PRKCE: variants seen among roughly 807,000 people sequenced by gnomAD.
PRKCE encodes protein kinase C epsilon type.
Under a neutral mutation model 85.4 loss-of-function variants are expected in PRKCE, and 16 were observed. The observed-to-expected ratio is 0.19, with a 90% confidence interval of 0.13 to 0.28. The LOEUF (loss-of-function observed/expected upper bound fraction) is 0.28, where lower values mean the gene tolerates loss of function less well. Ranked by LOEUF, PRKCE falls within the 10% of genes least tolerant of loss-of-function variation. The pLI is 1.00. For missense variants in PRKCE, 573 were observed against 975.2 expected (o/e 0.59, Z 5.49); for synonymous variants, 388 against 371.5 (o/e 1.04, Z -0.51).
chr2:45,998,258 AT>A (rs1558938959), intron 6 of PRKCE, among the ~76,000 whole-genome samples: 4 of 152,292 alleles, frequency 2.6e-5, no homozygotes, highest in African/African-American at 9.6e-5. Context: ...AGATCTGTTT[AT>A]TTTTGAATAA....
intron 11 of PRKCE, among the ~76,000 whole-genome samples, chr2:46,100,944 C>G (rs1444022723): frequency 1.3e-5 from 2 of 152,162 alleles, no homozygotes; most frequent in Non-Finnish European, 2.9e-5. Flanking sequence ...TCTCAGCTCA[C>G]TGCAACCTCC....
intron 10 of PRKCE, among the ~76,000 whole-genome samples, chr2:46,013,402 T>C (rs181820397): frequency 4.6e-5 from 7 of 152,288 alleles, no homozygotes; most frequent in African/African-American, 1.7e-4. Flanking sequence ...TGAATAGTTA[T>C]GTTCTAGATG....
intron 2 of PRKCE, among the ~76,000 whole-genome samples, chr2:45,904,313 A>G (rs2103754103): frequency 6.6e-6 from 1 of 152,316 alleles, no homozygotes; most frequent in African/African-American, 2.4e-5. Context: ...TCTTGAAACC[A>G]AAAGAACTCC....
chr2:46,100,895 A>G (rs890653985), intron 11 of PRKCE, among the ~76,000 whole-genome samples: 28 of 150,452 alleles, frequency 1.9e-4, no homozygotes, highest in African/African-American at 6.6e-4. Flanking sequence ...TCTTGATGGG[A>G]TCTCGCTCTG....
At chr2:45,967,416 C>T (rs1469641485) in intron 2 of PRKCE, among the ~76,000 whole-genome samples, 1 of 152,120 alleles carries the variant, frequency 6.6e-6, no homozygotes, top group East Asian at 1.9e-4. Context: ...GTCCTGGAGG[C>T]CTACCTACCA....
At chr2:45,842,578 A>G (rs1012307473) in intron 1 of PRKCE, among the ~76,000 whole-genome samples, 2 of 152,192 alleles carry the variant, frequency 1.3e-5, no homozygotes, top group Admixed American at 6.5e-5. Flanking sequence ...AAATGGGATA[A>G]CATAGGGCTT....
At chr2:45,871,894 G>T (rs1694118571) in intron 2 of PRKCE, among the ~76,000 whole-genome samples, 1 of 152,130 alleles carries the variant, frequency 6.6e-6, no homozygotes, top group Non-Finnish European at 1.5e-5. Context: ...GAGAAAGGAG[G>T]CAACCTGAGG....
At chr2:45,705,414 A>G (rs1253624100) in intron 1 of PRKCE, among the ~76,000 whole-genome samples, 1 of 152,222 alleles carries the variant, frequency 6.6e-6, no homozygotes, top group South Asian at 2.1e-4. Flanking sequence ...GTCAGAAAAC[A>G]TAGGAGTGAC....
rs1279789157 is a variant in PRKCE, at chr2:46,186,671, A to C, written c.*1790A>C. Reference sequence around the variant, plus strand: ...TTAAGCTATATTAAATCTCACATACAGTTCTTCTGTGCTCTATTATACCCT... The same window carrying C: ...TTAAGCTATATTAAATCTCACATACCGTTCTTCTGTGCTCTATTATACCCT... On this transcript the variant is annotated 3_prime_UTR_variant, in exon 15 of 15. Coordinates refer to ENST00000306156, the MANE Select transcript of PRKCE (RefSeq NM_005400.3). 1.3e-5 allele frequency: 2 copies of C among 152,604 alleles called. No homozygotes were observed. The highest frequency in any genetic ancestry group is 4.8e-5 in the African/African-American group (2 of 41,428). The allele number at this position is 152,604 out of a possible 1,614,324, so 9.5% of individuals were successfully genotyped here. A position where few individuals can be genotyped will look rare whatever the true frequency, so the allele number is the denominator to read the frequency against.
chr2:46,140,585 C>T (rs1675418121), intron 11 of PRKCE, among the ~76,000 whole-genome samples: 1 of 152,022 alleles, frequency 6.6e-6, no homozygotes, highest in Non-Finnish European at 1.5e-5. Context: ...TGGGAGAAAC[C>T]CTGGGAGAAT....
At chr2:45,979,042 G>A in intron 4 of PRKCE, 32 bp downstream of exon 4, 2 of 1,596,322 alleles carry the variant, frequency 1.3e-6, no homozygotes, top group Non-Finnish European at 1.7e-6. Context: ...AATCTTCAGA[G>A]GCCCGTGGTT....
At chr2:46,043,572 C>T (rs1405995706) in intron 10 of PRKCE, among the ~76,000 whole-genome samples, 4 of 152,154 alleles carry the variant, frequency 2.6e-5, no homozygotes, top group Non-Finnish European at 5.9e-5. Context: ...ATCCACCAAG[C>T]TTCTTCATTA....
intron 10 of PRKCE, among the ~76,000 whole-genome samples, chr2:46,029,685 GT>G (rs10658922): frequency 5.0e-4 from 73 of 146,276 alleles, no homozygotes; most frequent in African/African-American, 5.0e-4. Context: ...CGTCGTATGG[GT>G]TTTTTTTTTT....
At chr2:45,997,639 C>T (rs1243132312) in intron 6 of PRKCE, among the ~76,000 whole-genome samples, 4 of 152,014 alleles carry the variant, frequency 2.6e-5, no homozygotes, top group Middle Eastern at 3.2e-3. Flanking sequence ...CTCTGCCTCC[C>T]GAGTTCAAGC....
intron 14 of PRKCE, among the ~76,000 whole-genome samples, chr2:46,181,933 CG>C (rs1194828717): frequency 1.3e-5 from 2 of 152,130 alleles, no homozygotes; most frequent in Admixed American, 1.3e-4. Flanking sequence ...CCTGCCTACA[CG>C]CCTTGTACAG....
At chr2:46,000,488 A>G (rs541970759) in intron 6 of PRKCE, among the ~76,000 whole-genome samples, 1 of 151,692 alleles carries the variant, frequency 6.6e-6, no homozygotes, top group African/African-American at 2.4e-5. Flanking sequence ...AACCTCTGAT[A>G]AAATAGTTTC....
intron 1 of PRKCE, among the ~76,000 whole-genome samples, chr2:45,837,943 A>T (rs1014948168): frequency 6.6e-6 from 1 of 152,220 alleles, no homozygotes; most frequent in Non-Finnish European, 1.5e-5. Context: ...ATGAATGCGT[A>T]TGAGGGGCTT....
intron 10 of PRKCE, among the ~76,000 whole-genome samples, chr2:46,028,227 C>T (rs56950477): frequency 1.3e-5 from 2 of 152,080 alleles, no homozygotes; most frequent in Admixed American, 1.3e-4. Context: ...CAGGCGTGAG[C>T]CACCGCGTCC....
chr2:45,710,299 A>T (rs951370300), intron 1 of PRKCE, among the ~76,000 whole-genome samples: 23 of 152,352 alleles, frequency 1.5e-4, no homozygotes, highest in African/African-American at 5.5e-4. Context: ...GCAGTAAAGC[A>T]AGAGGCCAAG....
Sources: gnomAD v4.1 joint callset for allele counts (sites outside exome capture counted in the v4.1 genomes callset) on GRCh38, gnomAD v4.1.1 for gene constraint, MANE v1.5 for transcripts, NCBI Gene and HGNC (gene_info 2026-07-23, HGNC 2026-07-21) for gene names.